Variants in TWSG1 observed in about 807,000 individuals in gnomAD.
TWSG1 encodes the protein twisted gastrulation BMP signaling modulator 1, also known as twisted gastrulation protein homolog 1.
Under a neutral mutation model 23.0 loss-of-function variants are expected in TWSG1, and 15 were observed. The ratio of observed to expected loss-of-function variants is 0.65; its 90% CI spans 0.44 to 1.00. The LOEUF (loss-of-function observed/expected upper bound fraction) is 1.00. Ranked by LOEUF, TWSG1 falls within the 50% of genes least tolerant of loss-of-function variation. The pLI, the probability that TWSG1 is intolerant of heterozygous loss-of-function variation, is 0.00. For missense variants in TWSG1, 242 were observed against 278.7 expected, an observed-to-expected ratio of 0.87 and a Z score of 0.94; for synonymous variants, 86 against 92.8, an observed-to-expected ratio of 0.93 and a Z score of 0.42.
intron 2 of TWSG1, among the ~76,000 whole-genome samples, chr18:9,348,892 C>G (rs905783889): frequency 2.6e-5 from 4 of 152,152 alleles, no homozygotes; most frequent in African/African-American, 9.7e-5. Flanking sequence ...GCATCCTCTA[C>G]ACTTATAACT....
chr18:9,375,786 G>A (rs2040627353), intron 3 of TWSG1, among the ~76,000 whole-genome samples: 1 of 152,012 alleles, frequency 6.6e-6, no homozygotes, highest in Admixed American at 6.6e-5. Flanking sequence ...ATATGCGCAA[G>A]GTCTGTATGA....
At chr18:9,337,388 T>C (rs1374604777) in intron 2 of TWSG1, 36 bp downstream of exon 2, 4 of 1,603,072 alleles carry the variant, frequency 2.5e-6, no homozygotes, top group Middle Eastern at 1.7e-4. Context: ...TATCAAAATA[T>C]ATTGTAGAGC....
chr18:9,402,216 A>G lies in TWSG1; in HGVS notation c.*2689A>G, dbSNP rs1284331143. ...GGTAGCATTAAAATGGAGAAAAGAA[A>G]GTTTTCTGAAAAAATGCAGTAAATA... is the stretch of plus-strand genomic sequence containing the variant. On this transcript the variant is annotated 3_prime_UTR_variant, in exon 5 of 5. Transcript: ENST00000262120. 6.6e-6 allele frequency: 1 copy of G among 152,184 alleles called. No homozygotes were observed. Among genetic ancestry groups the G allele is most frequent in the Non-Finnish European group, 1.5e-5 (1 of 68,044 alleles). 9.4% of individuals were successfully genotyped at this position (152,184 alleles called of 1,614,324 possible).
chr18:9,364,748 A>T (rs2040569802), intron 3 of TWSG1, among the ~76,000 whole-genome samples: 1 of 152,000 alleles, frequency 6.6e-6, no homozygotes, highest in East Asian at 1.9e-4. Context: ...GAGCCGAGAT[A>T]GTGCCACTGC....
At chr18:9,350,722 G>A (rs2040498505) in intron 2 of TWSG1, among the ~76,000 whole-genome samples, 1 of 152,170 alleles carries the variant, frequency 6.6e-6, no homozygotes, top group Non-Finnish European at 1.5e-5. Context: ...TCATTCAAGT[G>A]TATGTTATTT....
At chr18:9,350,295 C>T (rs1405289632) in intron 2 of TWSG1, among the ~76,000 whole-genome samples, 1 of 152,026 alleles carries the variant, frequency 6.6e-6, no homozygotes, top group African/African-American at 2.4e-5. Context: ...ATGTTTAATG[C>T]AGTTATAGTA....
At chr18:9,354,227 G>A (rs2040514737) in intron 2 of TWSG1, among the ~76,000 whole-genome samples, 1 of 152,110 alleles carries the variant, frequency 6.6e-6, no homozygotes, top group South Asian at 2.1e-4. Flanking sequence ...TAAAAAATAA[G>A]GATAATAACG....
At chr18:9,355,973 G>GT (rs1017443158) in intron 2 of TWSG1, among the ~76,000 whole-genome samples, 6 of 152,086 alleles carry the variant, frequency 3.9e-5, no homozygotes, top group African/African-American at 1.4e-4. Flanking sequence ...TAAGACAATG[G>GT]TTTTTTAGTC....
intron 3 of TWSG1, among the ~76,000 whole-genome samples, chr18:9,380,641 A>T (rs2040651930): frequency 6.6e-6 from 1 of 152,122 alleles, no homozygotes. Context: ...ATGAACTTAG[A>T]TTTTCTCTTT....
At chr18:9,365,574 G>A (rs1254143109) in intron 3 of TWSG1, among the ~76,000 whole-genome samples, 1 of 152,128 alleles carries the variant, frequency 6.6e-6, no homozygotes, top group Non-Finnish European at 1.5e-5. Context: ...TGGGAGCGGG[G>A]GCTGTGGCAG....
At chr18:9,374,359 T>G (rs1301520880) in intron 3 of TWSG1, among the ~76,000 whole-genome samples, 1 of 152,050 alleles carries the variant, frequency 6.6e-6, no homozygotes, top group African/African-American at 2.4e-5. Flanking sequence ...TCACTATAGA[T>G]CCTATGGATA....
At chr18:9,351,650 T>C (rs1198416566) in intron 2 of TWSG1, among the ~76,000 whole-genome samples, 1 of 151,362 alleles carries the variant, frequency 6.6e-6, no homozygotes. Context: ...GTCTTTTTGT[T>C]TTTTTGTTTT....
chr18:9,386,633 A>C (rs2040686240), intron 3 of TWSG1, among the ~76,000 whole-genome samples: 1 of 152,102 alleles, frequency 6.6e-6, no homozygotes, highest in Non-Finnish European at 1.5e-5. Flanking sequence ...TAGAAGAAAA[A>C]TTACCAAAGC....
chr18:9,383,135 T>C (rs1164129111), intron 3 of TWSG1, among the ~76,000 whole-genome samples: 4 of 151,334 alleles, frequency 2.6e-5, no homozygotes, highest in Non-Finnish European at 5.9e-5. Flanking sequence ...ATCCTAAGTA[T>C]AATGGAAACT....
chr18:9,401,813 A>G lies in TWSG1; in HGVS notation c.*2286A>G, dbSNP rs1267298608. The G allele has an allele frequency of 6.6e-6, 1 of 152,144 alleles. No homozygotes were observed. Among genetic ancestry groups the G allele is most frequent in the Non-Finnish European group, 1.5e-5 (1 of 68,006 alleles). The allele number at this position is 152,144 out of a possible 1,614,324, so 9.4% of individuals were successfully genotyped here. A position where few individuals can be genotyped will look rare whatever the true frequency, so the allele number is the denominator to read the frequency against. On this transcript the variant is annotated 3_prime_UTR_variant, in exon 5 of 5. Coordinates refer to ENST00000262120, the MANE Select transcript of TWSG1 (RefSeq NM_020648.6). ...CCATTCTAAGCACATTCACTTCTAT[A>G]TTGAAGTTTTGGTAAAAATTCTTTT...
At chr18:9,355,045 T>A (rs976823274) in intron 2 of TWSG1, among the ~76,000 whole-genome samples, 5 of 152,166 alleles carry the variant, frequency 3.3e-5, no homozygotes, top group African/African-American at 1.2e-4. Context: ...ATACTCCGCC[T>A]CCCAGGTTAA....
intron 3 of TWSG1, among the ~76,000 whole-genome samples, chr18:9,377,973 C>G (rs1341971666): frequency 6.6e-6 from 1 of 152,226 alleles, no homozygotes; most frequent in African/African-American, 2.4e-5. Context: ...CCCGCCTCGG[C>G]CTCCCAAAGT....
At position 9,401,764 on chromosome 18, in the gene TWSG1, G is replaced by A. The variant is rs148504389; in HGVS notation, c.*2237G>A. On this transcript the variant is annotated 3_prime_UTR_variant, in exon 5 of 5. Coordinates refer to ENST00000262120, the MANE Select transcript of TWSG1 (RefSeq NM_020648.6). Reference sequence around the variant, plus strand: ...TAAATATTCCAGAAGTTGATAGCCTGGTTAAAAGTTAGATCCTCTATTACC... The same window carrying A: ...TAAATATTCCAGAAGTTGATAGCCTAGTTAAAAGTTAGATCCTCTATTACC... 1.1e-4 allele frequency: 17 copies of A among 152,210 alleles called. No individual in the cohort carries two copies. The East Asian group carries it at 3.3e-3, about 29-fold the overall frequency. The allele number at this position is 152,210 out of a possible 1,614,324, so 9.4% of individuals were successfully genotyped here.
At chr18:9,396,171 G>C in intron 3 of TWSG1, 109 bp from the exon 4 acceptor site, 2 of 702,306 alleles carry the variant, frequency 2.8e-6, no homozygotes, top group Non-Finnish European at 4.4e-6. Flanking sequence ...AAAAAAAAAG[G>C]TAGGAAAATA....
Sources: gnomAD v4.1 joint callset for allele counts (sites outside exome capture counted in the v4.1 genomes callset) on GRCh38, gnomAD v4.1.1 for gene constraint, MANE v1.5 for transcripts, NCBI Gene and HGNC (gene_info 2026-07-23, HGNC 2026-07-21) for gene names.